EPPK1: variants seen among roughly 807,000 people sequenced by gnomAD.
The protein encoded by EPPK1 is epiplakin.
For missense variants in EPPK1, 3,823 were observed against 3,673.3 expected (o/e 1.04, Z -1.05); for synonymous variants, 1,862 against 1,721.2 (o/e 1.08, Z -2.03).
At position 143,866,988 on chromosome 8, in the gene EPPK1, G is replaced by A; in HGVS notation, c.6266C>T (p.Ala2089Val). The A allele has an allele frequency of 6.2e-7, 1 of 1,612,816 alleles. No homozygotes were observed. The highest frequency in any genetic ancestry group is 1.7e-5 in the Admixed American group (1 of 60,026). The change falls in exon 2 of 2, where the codon GCA (alanine) becomes GTA (valine). Residue 2089 changes from alanine (A) to valine (V), a missense_variant. Coordinates refer to ENST00000615648, the MANE Select transcript of EPPK1 (RefSeq NM_031308.4). ...GWLLFPVNKA[A>V]RDSEHIDDET... ...GTCATCGATGTGCTCGGAGTCCCGT[G>A]CAGCCTTGTTCACTGGGAACAGCAG...
At position 143,869,660 on chromosome 8, in the gene EPPK1, G is replaced by A. The variant is rs782163486; in HGVS notation, c.3594C>T (p.Gly1198=). 3.1e-6 allele frequency: 5 copies of A among 1,595,286 alleles called. No homozygotes were observed. The highest frequency in any genetic ancestry group is 4.3e-6 in the Non-Finnish European group (5 of 1,171,848). ...AGACAGCGGGTACCTCACCCCGTGG[G>A]CCGGGCACCATGACGCGGGCCTGGG... ...LLAQARVMVP[G]PRGEVPAVWL... The change falls in exon 2 of 2, where the codon GGC becomes GGT. Residue 1198 remains glycine (G), a synonymous_variant. Transcript: ENST00000615648.
chr8:143,871,959 A>G lies in EPPK1; in HGVS notation c.1295T>C (p.Leu432Pro), dbSNP rs1554661370. The G allele has an allele frequency of 1.3e-6, 2 of 1,598,898 alleles. No homozygotes were observed. Among genetic ancestry groups the G allele is most frequent in the Admixed American group, 1.7e-5 (1 of 59,394 alleles). ...GTCTGAGAAGCTGCCAGCCTGCGAG[A>G]GCTGCCGCTGAGTGTCTTCATCCAG... is the stretch of plus-strand genomic sequence containing the variant. Reference protein sequence around the residue: ...GCLDEDTQRQLSQAGSFSDGT... With the variant: ...GCLDEDTQRQPSQAGSFSDGT... Residue 432 changes from leucine to proline, a missense_variant, in exon 2 of 2, where the codon CTC becomes CCC. Coordinates refer to ENST00000615648, the MANE Select transcript of EPPK1 (RefSeq NM_031308.4).
Position 143,868,395 on chromosome 8 carries a change from T to C in EPPK1, c.4859A>G (p.Asn1620Ser). 1 of 1,612,480 alleles carries C rather than the reference T, an allele frequency of 6.2e-7. No individual in the cohort carries two copies. The highest frequency in any genetic ancestry group is 8.5e-7 in the Non-Finnish European group (1 of 1,179,784). The change falls in exon 2 of 2, where the codon AAC (asparagine) becomes AGC (serine). Residue 1620 changes from asparagine (N) to serine (S), a missense_variant. By Grantham distance (46) the Asn-to-Ser change is conservative. Transcript: ENST00000615648. Reference protein sequence around the residue: ...ATGFIIDPVENRKLTVEEAFK... With the variant: ...ATGFIIDPVESRKLTVEEAFK... ...CGCCTCCTCCACGGTCAGCTTCCGG[T>C]TCTCCACGGGGTCGATGATGAAGCC...
upstream of EPPK1, among the ~76,000 whole-genome samples, chr8:143,879,123 G>A (rs562966241): frequency 2.0e-5 from 3 of 152,328 alleles, no homozygotes; most frequent in East Asian, 1.9e-4. Flanking sequence ...CACTGGGCAT[G>A]GAGGCTCACA....
chr8:143,868,732 G>A lies in EPPK1; in HGVS notation c.4522C>T (p.Leu1508=), dbSNP rs782191264. The A allele has an allele frequency of 1.3e-6, 2 of 1,581,976 alleles. No individual in the cohort carries two copies. Among genetic ancestry groups the A allele is most frequent in the Admixed American group, 3.6e-5 (2 of 55,558 alleles). ...LRQVVSAVTT[L]VEAAERQPLQ... ...GGCTGCCTCTCTGCAGCCTCGACCAGGGTGGTGACTGCGCTGACCACCTGC... is the reference window on the plus strand; with the variant it reads ...GGCTGCCTCTCTGCAGCCTCGACCAAGGTGGTGACTGCGCTGACCACCTGC... Residue 1508 remains leucine, a synonymous_variant, in exon 2 of 2, where the codon CTG becomes TTG. Coordinates refer to ENST00000615648, the MANE Select transcript of EPPK1 (RefSeq NM_031308.4).
chr8:143,871,790 C>A lies in EPPK1; in HGVS notation c.1464G>T (p.Arg488=), dbSNP rs782259592. The stretch of plus-strand genomic sequence containing the variant: ...TGGCTGTGGCCGTGCTCAGGGCCTG[C>A]CGAGTGCTGTACTTGATGAATGGGG... ...QGPPFIKYST[R]QALSTATATV... Residue 488 remains arginine, a synonymous_variant, in exon 2 of 2, where the codon CGG becomes CGT. Transcript: ENST00000615648. 5.6e-6 allele frequency: 9 copies of A among 1,611,714 alleles called. No homozygotes were observed. In the Middle Eastern group the frequency reaches 6.6e-4, roughly 118 times the overall value.
Position 143,870,231 on chromosome 8 carries a change from A to C in EPPK1, c.3023T>G (p.Ile1008Ser), listed in dbSNP as rs141788635. The change falls in exon 2 of 2, where the codon ATT becomes AGT. Residue 1008 changes from isoleucine to serine, a missense_variant. Coordinates refer to ENST00000615648, the MANE Select transcript of EPPK1 (RefSeq NM_031308.4). The surrounding 1 kb of genome is among the most constrained non-coding windows in gnomAD (Gnocchi z 5.2). ...AGAGAAGGGGTCTCTGAAGCCAGCAATGGCACCCTCAGCCCGCTTCAGCCT... is the reference window on the plus strand; with the variant it reads ...AGAGAAGGGGTCTCTGAAGCCAGCACTGGCACCCTCAGCCCGCTTCAGCCT... ...YGRLKRAEGA[I>S]AGFRDPFSGK... The C allele has an allele frequency of 3.8e-4, 605 of 1,606,512 alleles. 9 individuals are homozygous for C. The East Asian group carries it at 0.011, about 28-fold the overall frequency.
In EPPK1 at chr8:143,866,318, G is replaced by GT; in HGVS notation, c.6935dup (p.Asp2312GlufsTer331). The GT allele has an allele frequency of 5.0e-6, 2 of 397,358 alleles. No homozygotes were observed. Among genetic ancestry groups the GT allele is most frequent in the Non-Finnish European group, 8.0e-6 (2 of 250,112 alleles). 24.6% of individuals were successfully genotyped at this position (397,358 alleles called of 1,614,324 possible). A position where few individuals can be genotyped will look rare whatever the true frequency, so the allele number is the denominator to read the frequency against. On this transcript the variant is annotated frameshift_variant, in exon 2 of 2. Transcript: ENST00000615648. LOFTEE classifies it low-confidence loss of function (END_TRUNC). ...GGGAGATCTGCTGCCCGGTGTAGGG[G>GT]TCGGTGTAGCCGGTGACGGCGCGCT...
rs1367244581 is a variant in EPPK1 at position 143,866,179 on chromosome 8, C to T, written c.7075G>A (p.Val2359Met). Reference protein sequence around the residue: ...IDPVHSHRVPVDVAYRRGYFD... With the variant: ...IDPVHSHRVPMDVAYRRGYFD... Reference sequence around the variant, plus strand: ...TAGCCGCGCCGGTAGGCCACGTCCACGGGCACGCGGTGGCTGTGCACGGGG... The same window carrying T: ...TAGCCGCGCCGGTAGGCCACGTCCATGGGCACGCGGTGGCTGTGCACGGGG... Residue 2359 changes from valine to methionine, a missense_variant, in exon 2 of 2, where the codon GTG becomes ATG. By Grantham distance (21) the Val-to-Met change is conservative. Transcript: ENST00000615648. 1,206 of 419,954 alleles carry T rather than the reference C, an allele frequency of 2.9e-3. 6 individuals carry two copies. The highest frequency in any genetic ancestry group is 2.8e-3 in the Non-Finnish European group (692 of 251,422). 26.0% of individuals were successfully genotyped at this position (419,954 alleles called of 1,614,324 possible).
intron 1 of EPPK1, among the ~76,000 whole-genome samples, chr8:143,876,053 CA>C (rs1209609212): frequency 6.6e-6 from 1 of 152,176 alleles, no homozygotes; most frequent in Non-Finnish European, 1.5e-5. Flanking sequence ...ACACTTCTGC[CA>C]GGGGACACAG....
chr8:143,871,781 C>T lies in EPPK1; in HGVS notation c.1473G>A (p.Leu491=). 1 of 1,611,584 alleles carries T rather than the reference C, an allele frequency of 6.2e-7. No individual in the cohort carries two copies. ...CAGAGACGGTGGCTGTGGCCGTGCT[C>T]AGGGCCTGCCGAGTGCTGTACTTGA... ...PFIKYSTRQA[L]STATATVSVG... The change falls in exon 2 of 2, where the codon CTG becomes CTA. Residue 491 remains leucine, a synonymous_variant. Transcript: ENST00000615648.
chr8:143,871,562 C>A lies in EPPK1; in HGVS notation c.1692G>T (p.Arg564Ser). ...GCAGCTCTCCTGGTGTCACGGTGTC[C>A]CTCAGCCCAGAAAAGGTGACCCTGG... ...ATARVTFSGL[R>S]DTVTPGELLK... Residue 564 changes from arginine to serine, a missense_variant, in exon 2 of 2, where the codon AGG (arginine) becomes AGT (serine). Transcript: ENST00000615648. 1 of 1,609,054 alleles carries A rather than the reference C, an allele frequency of 6.2e-7. No homozygotes were observed. Among genetic ancestry groups the A allele is most frequent in the Admixed American group, 1.7e-5 (1 of 59,694 alleles).
chr8:143,877,766 C>T (rs1171404258), intron 1 of EPPK1, among the ~76,000 whole-genome samples: 2 of 152,206 alleles, frequency 1.3e-5, no homozygotes, highest in South Asian at 4.1e-4. Flanking sequence ...GCACCATGAT[C>T]AGAGATCAGT....
chr8:143,868,001 C>T lies in EPPK1; in HGVS notation c.5253G>A (p.Glu1751=), dbSNP rs1554659718. Residue 1751 remains glutamate (E), a synonymous_variant, in exon 2 of 2, where the codon GAG becomes GAA. Transcript: ENST00000615648. Reference sequence around the variant, plus strand: ...TGATTTGTAGCAGGTACAGGCCCGTCTCGGGGTCCTCCACACAGCGCTCCA... The same window carrying T: ...TGATTTGTAGCAGGTACAGGCCCGTTTCGGGGTCCTCCACACAGCGCTCCA... ...QLLERCVEDP[E]TGLYLLQIIK... 1 of 1,613,698 alleles carries T rather than the reference C, an allele frequency of 6.2e-7. No individual in the cohort carries two copies. Among genetic ancestry groups the T allele is most frequent in the South Asian group, 1.1e-5 (1 of 91,086 alleles).
chr8:143,872,897 A>G lies in EPPK1; in HGVS notation c.357T>C (p.Thr119=), dbSNP rs1819403820. ...CGCCGTAGGGGTCAGGATAGCCCGTAGTGGCACGCTCAGCGGCCAGCAGCT... is the reference window on the plus strand; with the variant it reads ...CGCCGTAGGGGTCAGGATAGCCCGTGGTGGCACGCTCAGCGGCCAGCAGCT... ...KEKLLAAERA[T]TGYPDPYGGE... is the part of the protein sequence containing the mutation. Residue 119 remains threonine, a synonymous_variant, in exon 2 of 2, where the codon ACT becomes ACC. Coordinates refer to ENST00000615648, the MANE Select transcript of EPPK1 (RefSeq NM_031308.4). 1 of 1,605,304 alleles carries G rather than the reference A, an allele frequency of 6.2e-7. No individual in the cohort carries two copies.
intron 1 of EPPK1, among the ~76,000 whole-genome samples, chr8:143,878,010 C>G (rs1554662523): frequency 6.6e-6 from 1 of 152,214 alleles, no homozygotes; most frequent in South Asian, 2.1e-4. Context: ...AGGAGTCACC[C>G]CTCTCAATTT....
In EPPK1 at chr8:143,866,618, C is replaced by A; in HGVS notation, c.6636G>T (p.Glu2212Asp). The A allele has an allele frequency of 6.2e-7, 1 of 1,612,956 alleles. No homozygotes were observed. Among genetic ancestry groups the A allele is most frequent in the African/African-American group, 1.3e-5 (1 of 75,062 alleles). Residue 2212 changes from glutamate (E) to aspartate (D), a missense_variant, in exon 2 of 2, where the codon GAG becomes GAT. Transcript: ENST00000615648. ...CCAGGTAGCGCTTGACGCGGTCGTC[C>A]TCCATGAGCTCTTGCGTCGTGCTCC... ...TGRSTTQELM[E>D]DDRVKRYLEG...
intron 1 of EPPK1, among the ~76,000 whole-genome samples, chr8:143,875,133 G>A (rs1249422757): frequency 6.6e-6 from 1 of 152,280 alleles, no homozygotes; most frequent in East Asian, 1.9e-4. Context: ...GCCTCCTGGA[G>A]GTCTCACAGG....
At position 143,857,925 on chromosome 8, in the gene EPPK1, CAG is replaced by C; in HGVS notation, c.*60_*61del. On this transcript the variant is annotated 3_prime_UTR_variant, in exon 2 of 2. Coordinates refer to ENST00000615648, the MANE Select transcript of EPPK1 (RefSeq NM_031308.4). ...AAAAAAAAAAAAAAAAAAAACAACC[CAG>C]ACACACAAGTATGCCTCCACTTCTC... 1 of 788,160 alleles carries C rather than the reference CAG, an allele frequency of 1.3e-6. No homozygotes were observed. Among genetic ancestry groups the C allele is most frequent in the Non-Finnish European group, 1.8e-6 (1 of 541,100 alleles). 48.8% of individuals were successfully genotyped at this position (788,160 alleles called of 1,614,324 possible).
Sources: gnomAD v4.1 joint callset for allele counts (sites outside exome capture counted in the v4.1 genomes callset) on GRCh38, gnomAD v4.1.1 for gene constraint, Gnocchi (gnomAD v3.1) non-coding constraint, MANE v1.5 for transcripts, NCBI Gene and HGNC (gene_info 2026-07-23, HGNC 2026-07-21) for gene names.